The following BYSL variants were observed in gnomAD, a reference collection of about 807,000 sequenced individuals.
The protein encoded by BYSL is bystin like, also known as bystin.
BYSL carries 21 observed loss-of-function variants against 45.4 expected under a neutral mutation model. The observed-to-expected ratio is 0.46, with a 90% CI of 0.33 to 0.67. The LOEUF is 0.67. Among genes scored for constraint, BYSL ranks in the 30% least tolerant of loss-of-function variants. The pLI, the probability that BYSL is intolerant of heterozygous loss-of-function variation, is 0.02. For synonymous variants in BYSL, 215 were observed against 231.3 expected, an observed-to-expected ratio of 0.93 and a Z score of 0.64; for missense variants, 522 against 578.5, an observed-to-expected ratio of 0.90 and a Z score of 1.00.
Position 41,927,289 on chromosome 6 carries a change from G to A in BYSL, c.269-85G>A, listed in dbSNP as rs529755990. 4.6e-6 allele frequency: 7 copies of A among 1,517,594 alleles called. No individual in the cohort carries two copies. In the South Asian group the frequency reaches 6.1e-5, roughly 13 times the overall value. 94.0% of individuals were successfully genotyped at this position (1,517,594 alleles called of 1,614,324 possible). ...TCTATCACAACCACATGTGAGGCCT[G>A]TACTACATAATGGCTAAAGTTAAAC... On this transcript the variant is annotated intron_variant, in intron 1 of 6. Transcript: ENST00000230340.
At chr6:41,909,208 A>C in the BYSL span, 1 of 1,550,174 alleles carries the variant, frequency 6.5e-7, no homozygotes. Context: ...GAAAATCTTC[A>C]GAGCCCTTTG....
At chr6:41,920,222 C>A (rs1775424666), upstream of BYSL, among the ~76,000 whole-genome samples, 1 of 152,122 alleles carries the variant, frequency 6.6e-6, no homozygotes, top group African/African-American at 2.4e-5. Context: ...GAAACGGGTC[C>A]TAAAGAGATA....
At chr6:41,925,690 A>ATTTT (rs1554153164) in intron 1 of BYSL, among the ~76,000 whole-genome samples, 6 of 132,108 alleles carry the variant, frequency 4.5e-5, no homozygotes, top group Admixed American at 7.9e-5. Context: ...TTATTTATTT[A>ATTTT]TTTTTTTGAG....
chr6:41,917,414 AT>A, upstream of BYSL: 1 of 179,000 alleles, frequency 5.6e-6, no homozygotes, highest in Non-Finnish European at 1.2e-5. Flanking sequence ...AAAAAAAAAA[AT>A]TTAAGACCAG....
At chr6:41,916,306 A>G in the BYSL span, among the ~76,000 whole-genome samples, 1 of 151,362 alleles carries the variant, frequency 6.6e-6, no homozygotes, top group Non-Finnish European at 1.5e-5. Flanking sequence ...GTGGCCGGGC[A>G]CAGTGGCTCA....
At chr6:41,913,293 T>C in the BYSL span, among the ~76,000 whole-genome samples, 1 of 152,228 alleles carries the variant, frequency 6.6e-6, no homozygotes, top group Non-Finnish European at 1.5e-5. Context: ...CCAGCAAAAC[T>C]GAAGCTCCAA....
At chr6:41,920,716 A>G, upstream of BYSL, 1 of 332,524 alleles carries the variant, frequency 3.0e-6, no homozygotes, top group Non-Finnish European at 5.5e-6. Flanking sequence ...TGTTGCAGTG[A>G]GCCAAGATCG....
upstream of BYSL, chr6:41,918,018 A>G (rs1235754555): frequency 3.7e-6 from 1 of 271,708 alleles, no homozygotes; most frequent in Non-Finnish European, 7.8e-6. Context: ...AACAAAACAA[A>G]AAAAAAACGT....
chr6:41,930,123 C>A lies in BYSL; in HGVS notation c.432-9C>A. 2 of 1,614,050 alleles carry A rather than the reference C, an allele frequency of 1.2e-6. No homozygotes were observed. Among genetic ancestry groups the A allele is most frequent in the Non-Finnish European group, 1.7e-6 (2 of 1,179,966 alleles). Reference sequence around the variant, plus strand: ...CTCTCTCCCCTCCTCTTGGCACTTCCCCTCTTAGGCGCACCCTGGCTGACA... The same window carrying A: ...CTCTCTCCCCTCCTCTTGGCACTTCACCTCTTAGGCGCACCCTGGCTGACA... On this transcript the variant is annotated splice_polypyrimidine_tract_variant and intron_variant, in intron 2 of 6. Coordinates refer to ENST00000230340, the MANE Select transcript of BYSL (RefSeq NM_004053.4).
At chr6:41,917,553 G>A, upstream of BYSL, 3 of 327,340 alleles carry the variant, frequency 9.2e-6, no homozygotes, top group South Asian at 6.9e-5. Flanking sequence ...AGGAATAGAG[G>A]ACCACAGTCC....
chr6:41,931,519 C>A lies in BYSL; in HGVS notation c.828C>A (p.Leu276=). 1 of 1,614,186 alleles carries A rather than the reference C, an allele frequency of 6.2e-7. No individual in the cohort carries two copies. The highest frequency in any genetic ancestry group is 2.2e-5 in the East Asian group (1 of 44,872). ...TCAACTTCCATCTCTACATGGCTCT[C>A]AAGAAGGCCCTTTTCAAACCTGGAG... ...KRLNFHLYMA[L]KKALFKPGAW... The change falls in exon 5 of 7, where the codon CTC becomes CTA. Residue 276 remains leucine, a synonymous_variant. Transcript: ENST00000230340.
intron 1 of BYSL, among the ~76,000 whole-genome samples, chr6:41,926,483 G>A (rs894326615): frequency 8.6e-5 from 13 of 151,480 alleles, no homozygotes; most frequent in South Asian, 2.1e-4. Flanking sequence ...ACGGAGTCTC[G>A]CTTTGTCACC....
chr6:41,930,600 G>A, intron 3 of BYSL, 35 bp from the exon 4 acceptor site: 1 of 1,585,070 alleles, frequency 6.3e-7, no homozygotes, highest in South Asian at 1.2e-5. Flanking sequence ...GCCATATGTG[G>A]ATGACGATGA....
chr6:41,932,866 T>C lies in BYSL; in HGVS notation c.*160T>C. On this transcript the variant is annotated 3_prime_UTR_variant, in exon 7 of 7. Coordinates refer to ENST00000230340, the MANE Select transcript of BYSL (RefSeq NM_004053.4). The surrounding 1 kb of genome is among the most constrained non-coding windows in gnomAD (Gnocchi z 4.7). Reference sequence around the variant, plus strand: ...GCTCCCAGTCCAGGACAGGAAGGACTGAGGGTCTGGCTGGTTCCCTCTTCC... The same window carrying C: ...GCTCCCAGTCCAGGACAGGAAGGACCGAGGGTCTGGCTGGTTCCCTCTTCC... The C allele has an allele frequency of 1.2e-6, 1 of 803,052 alleles. No individual in the cohort carries two copies. The highest frequency in any genetic ancestry group is 1.9e-6 in the Non-Finnish European group (1 of 522,510). 49.7% of individuals were successfully genotyped at this position (803,052 alleles called of 1,614,324 possible). A position where few individuals can be genotyped will look rare whatever the true frequency, so the allele number is the denominator to read the frequency against.
the BYSL span, chr6:41,909,040 A>G: frequency 1.9e-6 from 1 of 531,300 alleles, no homozygotes. Flanking sequence ...AAAAAATTTA[A>G]TTCGGTGGGT....
chr6:41,925,008 C>G (rs760788469), intron 1 of BYSL, among the ~76,000 whole-genome samples: 3 of 152,110 alleles, frequency 2.0e-5, no homozygotes, highest in Non-Finnish European at 4.4e-5. Flanking sequence ...GTGCCGTTTA[C>G]TGAGCTGTGG....
rs202218816 is a variant in BYSL, at chr6:41,930,787, C to T, written c.704+19C>T. On this transcript the variant is annotated intron_variant, in intron 4 of 6. Transcript: ENST00000230340. ...CCACCAGGTAGAGTAGCTGGGGGTT[C>T]GGGGGCCTTGGGTTTATAGGTGCAG... is the stretch of plus-strand genomic sequence containing the variant. 45 of 1,606,498 alleles carry T rather than the reference C, an allele frequency of 2.8e-5. No individual in the cohort carries two copies. Among genetic ancestry groups the T allele is most frequent in the Middle Eastern group, 1.8e-4 (1 of 5,618 alleles).
At chr6:41,927,252 C>T in intron 1 of BYSL, 122 bp from the exon 2 acceptor site, 1 of 1,221,910 alleles carries the variant, frequency 8.2e-7, no homozygotes, top group Non-Finnish European at 1.1e-6. Context: ...TGTTTCACTG[C>T]ACATACCTGC....
upstream of BYSL, chr6:41,917,466 G>A (rs929333208): frequency 9.0e-6 from 2 of 221,280 alleles, no homozygotes; most frequent in Non-Finnish European, 1.9e-5. Flanking sequence ...AGAACAAGGA[G>A]TCCAATCTGT....
Sources: allele counts gnomAD v4.1 joint callset (sites outside exome capture counted in the v4.1 genomes callset), GRCh38; gene constraint gnomAD v4.1.1; non-coding constraint Gnocchi (gnomAD v3.1); transcripts MANE v1.5; gene names NCBI Gene and HGNC (gene_info 2026-07-23, HGNC 2026-07-21).